DRC1: variants seen among roughly 807,000 people sequenced by gnomAD.
DRC1 encodes the protein dynein regulatory complex subunit 1.
A neutral mutation model predicts 98.7 loss-of-function variants in DRC1; 74 were observed. The observed-to-expected ratio is 0.75, with a 90% CI of 0.62 to 0.91. The LOEUF is 0.91. Ranked by LOEUF, DRC1 falls within the 40% of genes least tolerant of loss-of-function variation. The pLI is 0.00. For missense variants in DRC1, 875 were observed against 886.0 expected (o/e 0.99, Z 0.16); for synonymous variants, 336 against 334.1 (o/e 1.01, Z -0.06).
Position 26,417,013 on chromosome 2 carries a change from T to C in DRC1, c.243+2582T>C, listed in dbSNP as rs530102989. Among the ~76,000 whole-genome samples, 14 of 151,938 alleles carry C rather than the reference T, an allele frequency of 9.2e-5. No homozygotes were observed. The South Asian group carries it at 2.9e-3, about 32-fold the overall frequency. On this transcript the variant is annotated intron_variant, in intron 2 of 16. Transcript: ENST00000288710. Reference sequence around the variant, plus strand: ...AGAGTGCAAGGAGGTGCCACACACTTTACAACAGCCAGATCTCACGAGAAC... The same window carrying C: ...AGAGTGCAAGGAGGTGCCACACACTCTACAACAGCCAGATCTCACGAGAAC...
intron 1 of DRC1, among the ~76,000 whole-genome samples, chr2:26,410,647 T>C (rs1170860544): frequency 6.6e-6 from 1 of 152,088 alleles, no homozygotes; most frequent in Non-Finnish European, 1.5e-5. Context: ...AGGGAGCATA[T>C]TATCATGGAA....
At chr2:26,407,256 G>A (rs1346088472) in intron 1 of DRC1, among the ~76,000 whole-genome samples, 1 of 152,156 alleles carries the variant, frequency 6.6e-6, no homozygotes, top group Non-Finnish European at 1.5e-5. Flanking sequence ...TCAAGATCAG[G>A]AGGACTCAAC....
chr2:26,444,749 G>A lies in DRC1; in HGVS notation c.1197G>A (p.Trp399Ter). 6.2e-7 allele frequency: 1 copy of A among 1,614,106 alleles called. No homozygotes were observed. Among genetic ancestry groups the A allele is most frequent in the Admixed American group, 1.7e-5 (1 of 60,020 alleles). The change falls in exon 10 of 17, where the codon TGG (tryptophan) becomes TGA (stop). Residue 399 changes from tryptophan to a stop codon, truncating the protein, a stop_gained. Transcript: ENST00000288710. LOFTEE classifies it high-confidence loss of function. ...CTCTTATTGATGATGAGAAGTTTTG[G>A]GAGATTTGGCTGATGAATGAAGAGG... ...HFALIDDEKF[W>*]EIWLMNEEEA...
chr2:26,420,026 T>C (rs1324054983), intron 2 of DRC1, among the ~76,000 whole-genome samples: 1 of 152,190 alleles, frequency 6.6e-6, no homozygotes, highest in Non-Finnish European at 1.5e-5. Flanking sequence ...CGAGTATAAG[T>C]AGTCCAGGGC....
intron 12 of DRC1, 123 bp from the exon 13 acceptor site, chr2:26,450,469 G>A: frequency 1.3e-6 from 1 of 793,300 alleles, no homozygotes; most frequent in Non-Finnish European, 2.1e-6. Context: ...TCGCTTCCCA[G>A]CGTTGGATGA....
At position 26,453,369 on chromosome 2, in the gene DRC1, C is replaced by A. The variant is rs773007219; in HGVS notation, c.1739C>A (p.Thr580Lys). The change falls in exon 14 of 17, where the codon ACA (threonine) becomes AAA (lysine). Residue 580 changes from threonine (T) to lysine (K), a missense_variant. Physicochemically the swap from Thr to Lys is moderately conservative, Grantham distance 78. Transcript: ENST00000288710. ...ASMEKASMEE[T>K]STRSELELAE... Reference sequence around the variant, plus strand: ...ATGGAGAAGGCGAGCATGGAGGAGACAAGCACGAGGTCAGAATTGGAGCTG... The same window carrying A: ...ATGGAGAAGGCGAGCATGGAGGAGAAAAGCACGAGGTCAGAATTGGAGCTG... 12 of 1,614,048 alleles carry A rather than the reference C, an allele frequency of 7.4e-6. No homozygotes were observed. Among genetic ancestry groups the A allele is most frequent in the Non-Finnish European group, 1.0e-5 (12 of 1,180,052 alleles).
At chr2:26,410,267 TA>T (rs1470863803) in intron 1 of DRC1, among the ~76,000 whole-genome samples, 5 of 147,906 alleles carry the variant, frequency 3.4e-5, no homozygotes, top group African/African-American at 1.2e-4. Flanking sequence ...TTATTATTAT[TA>T]TTATTATTAT....
chr2:26,451,325 C>T (rs191071213), intron 13 of DRC1, among the ~76,000 whole-genome samples: 19 of 152,118 alleles, frequency 1.2e-4, no homozygotes, highest in Non-Finnish European at 2.4e-4. Flanking sequence ...AACACTTTCC[C>T]GCAAGGCAAG....
intron 7 of DRC1, among the ~76,000 whole-genome samples, chr2:26,433,531 G>T (rs1015883542): frequency 6.6e-6 from 1 of 152,200 alleles, no homozygotes; most frequent in African/African-American, 2.4e-5. Flanking sequence ...TGATTTTACT[G>T]AAAATGGCTA....
intron 1 of DRC1, among the ~76,000 whole-genome samples, chr2:26,403,272 G>C (rs569058392): frequency 6.6e-6 from 1 of 152,050 alleles, no homozygotes; most frequent in South Asian, 2.1e-4. Flanking sequence ...GAACCTTGGC[G>C]CATCGTTATC....
Position 26,440,378 on chromosome 2 carries a change from A to G in DRC1, c.889A>G (p.Ile297Val). The G allele has an allele frequency of 6.2e-7, 1 of 1,605,564 alleles. No homozygotes were observed. Among genetic ancestry groups the G allele is most frequent in the Non-Finnish European group, 8.5e-7 (1 of 1,177,208 alleles). Residue 297 changes from isoleucine (I) to valine (V), a missense_variant and splice_region_variant, in exon 8 of 17, where the codon ATT (isoleucine) becomes GTT (valine). Coordinates refer to ENST00000288710, the MANE Select transcript of DRC1 (RefSeq NM_145038.5). ...IKIKLEQDVQ[I>V]LEQQLQQRKA... is the part of the protein sequence containing the mutation. ...ATATATATAGTTTTTTTAACTTTAG[A>G]TTCTTGAGCAGCAGCTTCAGCAGAG...
intron 4 of DRC1, among the ~76,000 whole-genome samples, chr2:26,425,305 G>T (rs924053884): frequency 2.0e-5 from 3 of 152,080 alleles, no homozygotes; most frequent in Admixed American, 2.0e-4. Flanking sequence ...ACCACATCTT[G>T]TTTTATACAT....
chr2:26,424,029 T>A lies in DRC1; in HGVS notation c.357-242T>A, dbSNP rs535128184. On this transcript the variant is annotated intron_variant, in intron 3 of 16. Coordinates refer to ENST00000288710, the MANE Select transcript of DRC1 (RefSeq NM_145038.5). Reference sequence around the variant, plus strand: ...GTGCACGCGTGTGTATGTGTGTGTGTGTGTAGCCTTAATGTTGATCTGTTT... The same window carrying A: ...GTGCACGCGTGTGTATGTGTGTGTGAGTGTAGCCTTAATGTTGATCTGTTT... Among the ~76,000 whole-genome samples, 8 of 152,166 alleles carry A rather than the reference T, an allele frequency of 5.3e-5. No homozygotes were observed. The East Asian group carries it at 1.4e-3, about 26-fold the overall frequency.
chr2:26,448,366 C>G (rs1230240179), intron 10 of DRC1: 2 of 534,908 alleles, frequency 3.7e-6, no homozygotes, highest in Admixed American at 2.3e-5. Context: ...AATAAATGGG[C>G]TCACACTCTC....
intron 5 of DRC1, among the ~76,000 whole-genome samples, chr2:26,430,319 C>T (rs1309748695): frequency 2.0e-5 from 3 of 151,780 alleles, no homozygotes; most frequent in African/African-American, 7.3e-5. Flanking sequence ...TGGAAGAGAG[C>T]CAAGAAGGTG....
At chr2:26,447,021 T>C (rs1663870412) in intron 10 of DRC1, among the ~76,000 whole-genome samples, 1 of 149,138 alleles carries the variant, frequency 6.7e-6, no homozygotes, top group Admixed American at 6.7e-5. Context: ...ACCCGGGAGG[T>C]GGAGGTTGTA....
intron 16 of DRC1, among the ~76,000 whole-genome samples, chr2:26,456,034 T>C (rs142811721): frequency 7.2e-5 from 11 of 152,274 alleles, no homozygotes; most frequent in African/African-American, 2.6e-4. Context: ...GAAAGTGGGA[T>C]GTTGTAGTGA....
At chr2:26,412,646 A>G (rs1005568251) in intron 1 of DRC1, among the ~76,000 whole-genome samples, 1 of 152,184 alleles carries the variant, frequency 6.6e-6, no homozygotes, top group Non-Finnish European at 1.5e-5. Flanking sequence ...TATTTAGAAA[A>G]TTCATGCAAT....
chr2:26,422,129 A>G lies in DRC1; in HGVS notation c.356+729A>G, dbSNP rs555277447. Among the ~76,000 whole-genome samples, 7 of 152,334 alleles carry G rather than the reference A, an allele frequency of 4.6e-5. No individual in the cohort carries two copies. The East Asian group carries it at 1.4e-3, about 29-fold the overall frequency. The stretch of plus-strand genomic sequence containing the variant: ...CGTTGAGCTGGGCTGTGAGGGATGA[A>G]TAGGAATTTGAGGAATTGAAGAGTA... On this transcript the variant is annotated intron_variant, in intron 3 of 16. Transcript: ENST00000288710.
Sources: allele counts gnomAD v4.1 joint callset (sites outside exome capture counted in the v4.1 genomes callset), GRCh38; gene constraint gnomAD v4.1.1; transcripts MANE v1.5; gene names NCBI Gene and HGNC (gene_info 2026-07-23, HGNC 2026-07-21).